IQCJ: variants seen among roughly 807,000 people sequenced by gnomAD.
IQCJ encodes the protein IQ motif containing J, also known as IQ domain-containing protein J.
Under a neutral mutation model 11.0 loss-of-function variants are expected in IQCJ, and 9 were observed. The ratio of observed to expected loss-of-function variants is 0.82; its 90% CI spans 0.49 to 1.43. The LOEUF is 1.43. IQCJ is among the 40% of genes most tolerant of loss of function. IQCJ has a pLI of 0.00. For synonymous variants in IQCJ, 55 were observed against 51.3 expected, an observed-to-expected ratio of 1.07 and a Z score of -0.31; for missense variants, 146 against 133.2, an observed-to-expected ratio of 1.10 and a Z score of -0.47.
At chr3:159,189,626 C>T (rs932909251) in intron 1 of IQCJ, among the ~76,000 whole-genome samples, 2 of 151,608 alleles carry the variant, frequency 1.3e-5, no homozygotes, top group Admixed American at 6.6e-5. Context: ...GGCTGATATA[C>T]TCCCACCCAC....
downstream of IQCJ, among the ~76,000 whole-genome samples, chr3:159,264,622 T>C (rs1728399655): frequency 1.3e-5 from 2 of 152,172 alleles, no homozygotes; most frequent in African/African-American, 4.8e-5. Flanking sequence ...GGCTCACCCA[T>C]GATTGCCTAT....
At chr3:159,180,065 G>A (rs994480736) in intron 1 of IQCJ, among the ~76,000 whole-genome samples, 4 of 152,236 alleles carry the variant, frequency 2.6e-5, no homozygotes, top group African/African-American at 9.6e-5. Flanking sequence ...CGCTAGGGCA[G>A]AAGAGGCTTT....
At chr3:159,136,508 T>C (rs1720297610) in intron 1 of IQCJ, among the ~76,000 whole-genome samples, 1 of 152,196 alleles carries the variant, frequency 6.6e-6, no homozygotes, top group African/African-American at 2.4e-5. Flanking sequence ...TGGGCTGCTA[T>C]AACAACGCCA....
intron 1 of IQCJ, among the ~76,000 whole-genome samples, chr3:159,167,878 CAA>C (rs910425067): frequency 1.3e-5 from 2 of 152,184 alleles, no homozygotes; most frequent in Non-Finnish European, 2.9e-5. Flanking sequence ...GAAGAGAAGA[CAA>C]GAGATAAAAC....
chr3:159,261,595 G>A (rs149891166), intron 3 of IQCJ, among the ~76,000 whole-genome samples: 2 of 152,292 alleles, frequency 1.3e-5, no homozygotes, highest in African/African-American at 4.8e-5. Flanking sequence ...TGCCATGATT[G>A]TAAGTTTCCT....
chr3:159,156,441 T>C (rs931689750), intron 1 of IQCJ, among the ~76,000 whole-genome samples: 1 of 152,146 alleles, frequency 6.6e-6, no homozygotes, highest in African/African-American at 2.4e-5. Context: ...ATAAGCAGAA[T>C]AGAAAGAAGA....
At chr3:159,125,053 A>G (rs992113188) in intron 1 of IQCJ, among the ~76,000 whole-genome samples, 3 of 152,182 alleles carry the variant, frequency 2.0e-5, no homozygotes, top group Non-Finnish European at 2.9e-5. Flanking sequence ...CTTTCCAAAT[A>G]TTGTGGTATG....
At chr3:159,178,175 C>G (rs1722888208) in intron 1 of IQCJ, among the ~76,000 whole-genome samples, 1 of 152,134 alleles carries the variant, frequency 6.6e-6, no homozygotes, top group South Asian at 2.1e-4. Context: ...TTTCTCATAT[C>G]TGGGATGCCA....
At chr3:159,086,834 T>A (rs1212635307) in intron 1 of IQCJ, among the ~76,000 whole-genome samples, 1 of 152,162 alleles carries the variant, frequency 6.6e-6, no homozygotes, top group Non-Finnish European at 1.5e-5. Context: ...CAATGGGGTT[T>A]TCTAGATATA....
intron 1 of IQCJ, among the ~76,000 whole-genome samples, chr3:159,197,628 T>A (rs942234502): frequency 2.0e-5 from 3 of 152,162 alleles, no homozygotes; most frequent in Non-Finnish European, 4.4e-5. Flanking sequence ...AGTCTAGTTA[T>A]ACCTTGCAGA....
chr3:159,193,631 T>C (rs1723812913), intron 1 of IQCJ, among the ~76,000 whole-genome samples: 1 of 152,204 alleles, frequency 6.6e-6, no homozygotes. Flanking sequence ...TAAGAACTTA[T>C]GAGCAAAGGA....
intron 1 of IQCJ, among the ~76,000 whole-genome samples, chr3:159,175,292 G>A (rs556632807): frequency 3.3e-5 from 5 of 152,080 alleles, no homozygotes; most frequent in East Asian, 1.9e-4. Flanking sequence ...GCAACATGGC[G>A]AAATCCCATC....
At chr3:159,089,959 T>G (rs887200131) in intron 1 of IQCJ, among the ~76,000 whole-genome samples, 6 of 151,952 alleles carry the variant, frequency 3.9e-5, no homozygotes, top group African/African-American at 1.5e-4. Flanking sequence ...TCTGTTGCTG[T>G]TGAGGAACTG....
At chr3:159,244,635 G>T (rs1394410015) in intron 1 of IQCJ, among the ~76,000 whole-genome samples, 2 of 152,194 alleles carry the variant, frequency 1.3e-5, no homozygotes, top group African/African-American at 4.8e-5. Flanking sequence ...GGAGATACAG[G>T]ATTTTGCTGA....
chr3:159,092,746 G>A (rs1212004773), intron 1 of IQCJ, among the ~76,000 whole-genome samples: 1 of 118,456 alleles, frequency 8.4e-6, no homozygotes, highest in Non-Finnish European at 1.7e-5. Context: ...TAGAAACAAC[G>A]GGGGGAATGT....
chr3:159,231,656 G>C (rs1265829145), intron 1 of IQCJ, among the ~76,000 whole-genome samples: 1 of 152,160 alleles, frequency 6.6e-6, no homozygotes, highest in Non-Finnish European at 1.5e-5. Flanking sequence ...AAATGAGTTA[G>C]GGAGGAGTCA....
intron 1 of IQCJ, among the ~76,000 whole-genome samples, chr3:159,182,978 G>T (rs537443542): frequency 1.6e-4 from 24 of 152,004 alleles, no homozygotes; most frequent in African/African-American, 5.5e-4. Context: ...TATGAGGGGT[G>T]GTCTCCTCCC....
intron 1 of IQCJ, among the ~76,000 whole-genome samples, chr3:159,229,393 T>G (rs78106800): frequency 0.022 from 3,301 of 152,112 alleles, 114 homozygotes; most frequent in African/African-American, 0.076. Context: ...TCAAAATGTT[T>G]AAGTCAGTTT....
At chr3:159,191,967 T>C (rs887324335) in intron 1 of IQCJ, among the ~76,000 whole-genome samples, 3 of 152,212 alleles carry the variant, frequency 2.0e-5, no homozygotes, top group Non-Finnish European at 2.9e-5. Context: ...AGTGAAGCCA[T>C]TGAAACCCTT....
Sources: gnomAD v4.1 joint callset for allele counts (sites outside exome capture counted in the v4.1 genomes callset) on GRCh38, gnomAD v4.1.1 for gene constraint, MANE v1.5 for transcripts, NCBI Gene and HGNC (gene_info 2026-07-23, HGNC 2026-07-21) for gene names.